Variants in TMPRSS13 observed in about 807,000 individuals in gnomAD.
TMPRSS13 encodes the protein transmembrane serine protease 13, also known as transmembrane protease serine 13.
TMPRSS13 carries 50 observed loss-of-function variants against 68.4 expected under a neutral mutation model. That is an observed-to-expected ratio of 0.73 (90% CI 0.58 to 0.93). The LOEUF is 0.93. Ranked by LOEUF, TMPRSS13 falls within the 40% of genes least tolerant of loss-of-function variation. The pLI, the probability that TMPRSS13 is intolerant of heterozygous loss-of-function variation, is 0.00. For synonymous variants in TMPRSS13, 267 were observed against 285.8 expected, an observed-to-expected ratio of 0.93 and a Z score of 0.66; for missense variants, 615 against 729.2, an observed-to-expected ratio of 0.84 and a Z score of 1.80.
intron 1 of TMPRSS13, among the ~76,000 whole-genome samples, chr11:117,928,527 C>T (rs1384782674): frequency 1.3e-5 from 2 of 152,122 alleles, no homozygotes; most frequent in Non-Finnish European, 2.9e-5. Flanking sequence ...GGGCAGAAAA[C>T]AAGACCTAAA....
intron 1 of TMPRSS13, among the ~76,000 whole-genome samples, chr11:117,925,095 C>T (rs555654915): frequency 1.3e-4 from 20 of 152,202 alleles, no homozygotes; most frequent in Non-Finnish European, 1.8e-4. Flanking sequence ...AGTTTTCAAA[C>T]AGGGTTCCAC....
Position 117,914,049 on chromosome 11 carries a change from G to A in TMPRSS13, c.680-143C>T. Reference sequence around the variant, plus strand: ...GGCCTGGGAAAAGTCCAGGAACATGGCCTGGGTCATGGGGGTTAACCAGTA... The same window carrying A: ...GGCCTGGGAAAAGTCCAGGAACATGACCTGGGTCATGGGGGTTAACCAGTA... On this transcript the variant is annotated intron_variant, in intron 4 of 12. Transcript: ENST00000524993. The surrounding 1 kb of genome is among the most constrained non-coding windows in gnomAD (Gnocchi z 4.2). 1 of 1,028,094 alleles carries A rather than the reference G, an allele frequency of 9.7e-7. No individual in the cohort carries two copies. Among genetic ancestry groups the A allele is most frequent in the Non-Finnish European group, 1.4e-6 (1 of 716,092 alleles). The allele number at this position is 1,028,094 out of a possible 1,614,324, so 63.7% of individuals were successfully genotyped here. A position where few individuals can be genotyped will look rare whatever the true frequency, so the allele number is the denominator to read the frequency against.
intron 6 of TMPRSS13, 63 bp from the exon 7 acceptor site, chr11:117,910,813 C>G: frequency 6.8e-7 from 1 of 1,462,538 alleles, no homozygotes; most frequent in Non-Finnish European, 9.4e-7. Flanking sequence ...AGGAAGCCTT[C>G]CTGATTGACT....
intron 4 of TMPRSS13, 56 bp from the exon 5 acceptor site, chr11:117,913,962 C>G: frequency 6.3e-7 from 1 of 1,590,404 alleles, no homozygotes; most frequent in South Asian, 1.1e-5. Context: ...GCATCAAGCT[C>G]TTGGGGGATG....
intron 5 of TMPRSS13, among the ~76,000 whole-genome samples, chr11:117,912,201 G>A (rs1460261955): frequency 2.0e-5 from 3 of 152,118 alleles, no homozygotes; most frequent in East Asian, 1.9e-4. Context: ...TGGGCCCAGC[G>A]ATCACCATTT....
intron 1 of TMPRSS13, among the ~76,000 whole-genome samples, chr11:117,925,761 G>A (rs1477817514): frequency 6.6e-6 from 1 of 152,254 alleles, no homozygotes; most frequent in African/African-American, 2.4e-5. Flanking sequence ...GCTATACCAA[G>A]AGGAATCTGT....
chr11:117,924,929 A>G (rs1210745541), intron 1 of TMPRSS13, among the ~76,000 whole-genome samples: 1 of 152,050 alleles, frequency 6.6e-6, no homozygotes, highest in Non-Finnish European at 1.5e-5. Flanking sequence ...GAACTCTGGA[A>G]GGGGCCAGAG....
Position 117,915,702 on chromosome 11 carries a change from C to A in TMPRSS13, c.557-1188G>T, listed in dbSNP as rs1183675421. ...TCCTTAGCCCTGGAGGTCTAGAGGC[C>A]TCCCTGGCAGAGCTTTTGGGAACTT... is the stretch of plus-strand genomic sequence containing the variant. On this transcript the variant is annotated intron_variant, in intron 3 of 12. Transcript: ENST00000524993. The surrounding 1 kb of genome is among the most constrained non-coding windows in gnomAD (Gnocchi z 4.9). Among the ~76,000 whole-genome samples the A allele has an allele frequency of 6.6e-6, 1 of 152,246 alleles. No homozygotes were observed. Among genetic ancestry groups the A allele is most frequent in the African/African-American group, 2.4e-5 (1 of 41,458 alleles).
At chr11:117,903,515 C>A (rs2057429651) in intron 12 of TMPRSS13, 140 bp downstream of exon 12, 1 of 1,551,076 alleles carries the variant, frequency 6.4e-7, no homozygotes, top group Non-Finnish European at 8.7e-7. Flanking sequence ...CCAGGCATCA[C>A]ATTTGACCCT....
At chr11:117,903,073 T>C in intron 12 of TMPRSS13, 1 of 1,144,830 alleles carries the variant, frequency 8.7e-7, no homozygotes, top group Non-Finnish European at 1.1e-6. Flanking sequence ...CTTTATACTC[T>C]TTTATGATAG....
At chr11:117,902,291 G>T in intron 12 of TMPRSS13, 26 bp from the exon 13 acceptor site, 1 of 1,613,456 alleles carries the variant, frequency 6.2e-7, no homozygotes, top group South Asian at 1.1e-5. Context: ...GGAGAAGAGG[G>T]TGAGGGTGGG....
Position 117,901,980 on chromosome 11 carries a change from G to C in TMPRSS13, c.*259C>G. The C allele has an allele frequency of 1.8e-6, 1 of 571,298 alleles. No individual in the cohort carries two copies. The highest frequency in any genetic ancestry group is 2.9e-5 in the Admixed American group (1 of 35,022). The allele number at this position is 571,298 out of a possible 1,614,324, so 35.4% of individuals were successfully genotyped here. A position where few individuals can be genotyped will look rare whatever the true frequency, so the allele number is the denominator to read the frequency against. ...GGAACATCCACGGTACTCAACTCTT[G>C]TCTCCAGGTAATTTCCAGCCTGGGA... On this transcript the variant is annotated 3_prime_UTR_variant, in exon 13 of 13. Coordinates refer to ENST00000524993, the MANE Select transcript of TMPRSS13 (RefSeq NM_001077263.3).
chr11:117,906,709 T>C (rs569021857), intron 9 of TMPRSS13, among the ~76,000 whole-genome samples: 1 of 150,704 alleles, frequency 6.6e-6, no homozygotes, highest in African/African-American at 2.4e-5. Context: ...TTAACAAAAA[T>C]GCAGCATAGG....
At chr11:117,904,429 CTTTG>C (rs892293332) in intron 10 of TMPRSS13, among the ~76,000 whole-genome samples, 21 of 152,322 alleles carry the variant, frequency 1.4e-4, no homozygotes, top group East Asian at 3.9e-4. Context: ...AGATACATGG[CTTTG>C]TTTGTTTTTG....
intron 5 of TMPRSS13, among the ~76,000 whole-genome samples, chr11:117,912,364 A>C (rs998759149): frequency 3.3e-5 from 5 of 152,218 alleles, no homozygotes; most frequent in African/African-American, 4.8e-5. Flanking sequence ...ATCCCAGGTT[A>C]CTGATCTGTA....
chr11:117,911,917 T>A (rs968615112), intron 5 of TMPRSS13, 57 bp from the exon 6 acceptor site: 5 of 1,476,236 alleles, frequency 3.4e-6, no homozygotes, highest in Admixed American at 3.4e-5. Flanking sequence ...TCATCCCAAG[T>A]CCTCCAGCAG....
chr11:117,904,652 C>A (rs67691204), intron 10 of TMPRSS13, among the ~76,000 whole-genome samples: 21,911 of 151,608 alleles, frequency 0.14, 1,733 homozygotes, highest in African/African-American at 0.21. Flanking sequence ...TGAGTCTAAC[C>A]ATGGGGTCAT....
chr11:117,902,616 C>G (rs775163070), intron 12 of TMPRSS13, among the ~76,000 whole-genome samples: 12 of 152,180 alleles, frequency 7.9e-5, no homozygotes, highest in Non-Finnish European at 1.5e-4. Flanking sequence ...TTCCTGACAC[C>G]GAAATTCCTG....
chr11:117,928,186 AC>A (rs2057724734), intron 1 of TMPRSS13, among the ~76,000 whole-genome samples: 1 of 151,796 alleles, frequency 6.6e-6, no homozygotes, highest in South Asian at 2.1e-4. Flanking sequence ...GCCCTTGTGT[AC>A]CCCCCTTACT....
Sources: allele counts gnomAD v4.1 joint callset (sites outside exome capture counted in the v4.1 genomes callset), GRCh38; gene constraint gnomAD v4.1.1; non-coding constraint Gnocchi (gnomAD v3.1); transcripts MANE v1.5; gene names NCBI Gene and HGNC (gene_info 2026-07-23, HGNC 2026-07-21).